EXOC5: variants seen among roughly 807,000 people sequenced by gnomAD.
The protein encoded by EXOC5 is SEC10-like 1.
EXOC5 carries 17 observed loss-of-function variants against 90.8 expected under a neutral mutation model. That is an observed-to-expected ratio of 0.19 (90% CI 0.13 to 0.28). The LOEUF (loss-of-function observed/expected upper bound fraction) is 0.28. Among genes scored for constraint, EXOC5 ranks in the 10% least tolerant of loss-of-function variants. The pLI is 1.00. For synonymous variants in EXOC5, 260 were observed against 270.0 expected (o/e 0.96, Z 0.36); for missense variants, 569 against 830.6 (o/e 0.69, Z 3.87).
At chr14:57,265,561 A>G (rs1431846427) in intron 1 of EXOC5, among the ~76,000 whole-genome samples, 3 of 152,168 alleles carry the variant, frequency 2.0e-5, no homozygotes, top group African/African-American at 7.2e-5. Context: ...TATTTCTGCA[A>G]AAAATTTTTA....
At position 57,241,566 on chromosome 14, in the gene EXOC5, TA is replaced by T. The variant is rs769940183; in HGVS notation, c.466-1908del. Among the ~76,000 whole-genome samples the T allele has an allele frequency of 6.6e-5, 10 of 152,342 alleles. No individual in the cohort carries two copies. The South Asian group carries it at 1.0e-3, about 16-fold the overall frequency. ...ACTTTGTTTAATGTACTAACTAGTA[TA>T]GGGGTAAATGGCACTTGTTTATATT... On this transcript the variant is annotated intron_variant, in intron 4 of 17. Coordinates refer to ENST00000621441, the MANE Select transcript of EXOC5 (RefSeq NM_006544.4).
chr14:57,262,756 T>TATACGTATATATATATGTGTATATAC (rs1298647354), intron 1 of EXOC5, among the ~76,000 whole-genome samples: 151 of 150,176 alleles, frequency 1.0e-3, no homozygotes, highest in African/African-American at 3.5e-3. Context: ...TGTGTATATA[T>TATACGTATATATATATGTGTATATAC]ATACTTAATG....
chr14:57,247,628 CA>C lies in EXOC5; in HGVS notation c.111del (p.Phe37LeufsTer7). 6.5e-7 allele frequency: 1 copy of C among 1,546,372 alleles called. No homozygotes were observed. The highest frequency in any genetic ancestry group is 1.4e-5 in the African/African-American group (1 of 72,948). ...GGGSRGGPEA[F>X]DPKRLLEEFV... ...ATTTTTTTATTTCACCTTTTAGGAT[CA>C]AAAGCTTCAGGTCCACCTCTAGAGC... On this transcript the variant is annotated frameshift_variant, in exon 2 of 18. Coordinates refer to ENST00000621441, the MANE Select transcript of EXOC5 (RefSeq NM_006544.4). LOFTEE classifies it high-confidence loss of function.
At chr14:57,219,904 T>A (rs963380513) in intron 13 of EXOC5, among the ~76,000 whole-genome samples, 2 of 152,152 alleles carry the variant, frequency 1.3e-5, no homozygotes, top group Admixed American at 6.6e-5. Context: ...ACAGATTACA[T>A]TCCTGATTTT....
At chr14:57,211,141 T>C (rs901476079) in intron 15 of EXOC5, among the ~76,000 whole-genome samples, 12 of 152,226 alleles carry the variant, frequency 7.9e-5, no homozygotes, top group Non-Finnish European at 1.5e-4. Context: ...TACACTGCTG[T>C]ACCTTTAATA....
At chr14:57,224,624 C>G (rs1281781579) in intron 12 of EXOC5, among the ~76,000 whole-genome samples, 1 of 152,132 alleles carries the variant, frequency 6.6e-6, no homozygotes, top group African/African-American at 2.4e-5. Context: ...AATGACTTCA[C>G]TTGTGACTTT....
chr14:57,230,924 A>G (rs1883464747), intron 11 of EXOC5, among the ~76,000 whole-genome samples: 2 of 151,960 alleles, frequency 1.3e-5, no homozygotes, highest in East Asian at 1.9e-4. Flanking sequence ...AAAAAAAATG[A>G]AAGAAACTAT....
chr14:57,243,637 C>T (rs1883943397), intron 4 of EXOC5: 1 of 152,480 alleles, frequency 6.6e-6, no homozygotes. Context: ...GTGACTAGTG[C>T]TATGAAAAGG....
intron 17 of EXOC5, among the ~76,000 whole-genome samples, chr14:57,209,147 G>A (rs1882750322): frequency 6.6e-6 from 1 of 152,000 alleles, no homozygotes; most frequent in South Asian, 2.1e-4. Flanking sequence ...TTCCTAATGT[G>A]TGACATATAT....
intron 15 of EXOC5, among the ~76,000 whole-genome samples, chr14:57,215,710 T>G (rs1215667496): frequency 6.6e-6 from 1 of 152,038 alleles, no homozygotes; most frequent in Non-Finnish European, 1.5e-5. Flanking sequence ...ACAACTAATA[T>G]CAAAGTGTGA....
Position 57,208,499 on chromosome 14 carries a change from T to A in EXOC5, c.*110A>T. On this transcript the variant is annotated 3_prime_UTR_variant, in exon 18 of 18. Coordinates refer to ENST00000621441, the MANE Select transcript of EXOC5 (RefSeq NM_006544.4). ...GTTCCAGTCATTGTTTCACAAAATGTTGGCTGTGTCATAAGGTATCTCCTG... is the reference window on the plus strand; with the variant it reads ...GTTCCAGTCATTGTTTCACAAAATGATGGCTGTGTCATAAGGTATCTCCTG... The A allele has an allele frequency of 1.6e-6, 1 of 642,962 alleles. No homozygotes were observed. Among genetic ancestry groups the A allele is most frequent in the Non-Finnish European group, 2.6e-6 (1 of 383,060 alleles). 39.8% of individuals were successfully genotyped at this position (642,962 alleles called of 1,614,324 possible). A position where few individuals can be genotyped will look rare whatever the true frequency, so the allele number is the denominator to read the frequency against.
At chr14:57,217,350 C>T (rs988309111) in intron 15 of EXOC5, among the ~76,000 whole-genome samples, 4 of 152,164 alleles carry the variant, frequency 2.6e-5, no homozygotes, top group African/African-American at 7.2e-5. Flanking sequence ...AGGCTTATGG[C>T]AACGCAAGTC....
chr14:57,219,223 G>A (rs895465171), intron 14 of EXOC5, 99 bp downstream of exon 14: 2 of 649,148 alleles, frequency 3.1e-6, no homozygotes, highest in Middle Eastern at 4.8e-4. Context: ...CATTTTTTGT[G>A]AAAATGTACT....
intron 12 of EXOC5, among the ~76,000 whole-genome samples, chr14:57,226,998 C>T (rs1257391215): frequency 6.6e-6 from 1 of 152,000 alleles, no homozygotes; most frequent in African/African-American, 2.4e-5. Flanking sequence ...TTAAGAACAG[C>T]TATCCTTAGA....
At chr14:57,252,981 C>A (rs1328940142) in intron 1 of EXOC5, among the ~76,000 whole-genome samples, 2 of 151,972 alleles carry the variant, frequency 1.3e-5, no homozygotes, top group African/African-American at 4.8e-5. Context: ...CCGTCATTTG[C>A]AAAAATATGG....
chr14:57,214,401 T>G (rs1054930310), intron 15 of EXOC5, among the ~76,000 whole-genome samples: 29 of 152,148 alleles, frequency 1.9e-4, no homozygotes, highest in Non-Finnish European at 3.1e-4. Context: ...TCAAAAAATT[T>G]CAAGTTTCAA....
At chr14:57,225,889 G>C (rs576973349) in intron 12 of EXOC5, among the ~76,000 whole-genome samples, 4 of 152,166 alleles carry the variant, frequency 2.6e-5, no homozygotes, top group Non-Finnish European at 5.9e-5. Context: ...GTGCTTCCAG[G>C]TTACAGGCAG....
intron 7 of EXOC5, among the ~76,000 whole-genome samples, chr14:57,234,510 CGTGTGTGT>C (rs375548706): frequency 8.4e-5 from 11 of 130,612 alleles, no homozygotes; most frequent in South Asian, 5.0e-4. Flanking sequence ...TGTATATATA[CGTGTGTGT>C]GTGTGTGTGT....
rs753001796 is a variant in EXOC5, at chr14:57,244,293, G to C, written c.337C>G (p.Leu113Val). The change falls in exon 4 of 18, where the codon CTT (leucine) becomes GTT (valine). Residue 113 changes from leucine to valine, a missense_variant. Physicochemically the swap from Leu to Val is conservative, Grantham distance 32. This residue lies in a region of EXOC5 where 97 missense variants were observed against 177.9 expected (regional missense o/e 0.55). Transcript: ENST00000621441. ...TTTACCCCCTCTAACTGGTCTCCAA[G>C]GTGACAGACTTTAGTTGCTACATAG... Reference protein sequence around the residue: ...ISYVATKVCHLGDQLEGVNTP... With the variant: ...ISYVATKVCHVGDQLEGVNTP... 6.2e-7 allele frequency: 1 copy of C among 1,613,784 alleles called. No homozygotes were observed.
Sources: allele counts gnomAD v4.1 joint callset (sites outside exome capture counted in the v4.1 genomes callset), GRCh38; gene constraint gnomAD v4.1.1; regional missense constraint gnomAD v4.1.1; transcripts MANE v1.5; gene names NCBI Gene and HGNC (gene_info 2026-07-23, HGNC 2026-07-21).